The following PRKCZ variants were observed in gnomAD, a reference collection of about 807,000 sequenced individuals.
The protein encoded by PRKCZ is protein kinase C zeta.
In PRKCZ, 33 loss-of-function variants were observed where a neutral mutation model predicts 79.5. The observed-to-expected ratio is 0.41, with a 90% CI of 0.31 to 0.55. The LOEUF is 0.55. Among genes scored for constraint, PRKCZ ranks in the 20% least tolerant of loss-of-function variants. The pLI, the probability that PRKCZ is intolerant of heterozygous loss-of-function variation, is 0.19. For missense variants in PRKCZ, 578 were observed against 813.5 expected (o/e 0.71, Z 3.52); for synonymous variants, 342 against 320.9 (o/e 1.07, Z -0.70).
intron 4 of PRKCZ, among the ~76,000 whole-genome samples, chr1:2,117,150 A>G (rs1283740625): frequency 2.0e-5 from 3 of 151,240 alleles, no homozygotes; most frequent in East Asian, 3.9e-4. Context: ...GGGTCTCCCT[A>G]TGTTGCCCAG....
chr1:2,132,785 C>T (rs1470857177), intron 4 of PRKCZ, among the ~76,000 whole-genome samples: 1 of 152,264 alleles, frequency 6.6e-6, no homozygotes, highest in African/African-American at 2.4e-5. Flanking sequence ...CACGTTTCCA[C>T]CCTTAGTCTC....
chr1:2,179,616 A>G (rs1686144644), intron 16 of PRKCZ, among the ~76,000 whole-genome samples: 1 of 152,106 alleles, frequency 6.6e-6, no homozygotes, highest in Non-Finnish European at 1.5e-5. Context: ...GCGCTAACTC[A>G]TCTCCCCCTG....
chr1:2,087,102 A>C (rs1664659826), intron 4 of PRKCZ, among the ~76,000 whole-genome samples: 2 of 151,892 alleles, frequency 1.3e-5, no homozygotes, highest in South Asian at 2.1e-4. Context: ...ATTTTTTTTG[A>C]GACAGAATCT....
At chr1:2,097,851 G>A (rs547042729) in intron 4 of PRKCZ, among the ~76,000 whole-genome samples, 1 of 152,354 alleles carries the variant, frequency 6.6e-6, no homozygotes, top group South Asian at 2.1e-4. Context: ...TCTTGCAGAT[G>A]GAGCAATGGC....
chr1:2,052,394 C>A (rs957742458), intron 1 of PRKCZ, among the ~76,000 whole-genome samples: 2 of 151,536 alleles, frequency 1.3e-5, no homozygotes, highest in Middle Eastern at 3.4e-3. Flanking sequence ...TCTTCCCTCC[C>A]TTCCCGGACT....
intron 4 of PRKCZ, among the ~76,000 whole-genome samples, chr1:2,096,450 G>A (rs1666530817): frequency 6.6e-6 from 1 of 152,098 alleles, no homozygotes; most frequent in Non-Finnish European, 1.5e-5. Context: ...TGGTGGTGTA[G>A]ACGCCAGGAA....
In PRKCZ at chr1:2,154,133, G is replaced by A. The variant is rs557264905; in HGVS notation, c.877-1862G>A. ...CTGCTGGTGAGGGCCACTGGGGGACGGGTGGTGGCAGGTGAGGGGTGGAGG... is the reference window on the plus strand; with the variant it reads ...CTGCTGGTGAGGGCCACTGGGGGACAGGTGGTGGCAGGTGAGGGGTGGAGG... On this transcript the variant is annotated intron_variant, in intron 9 of 17. Coordinates refer to ENST00000378567, the MANE Select transcript of PRKCZ (RefSeq NM_002744.6). Among the ~76,000 whole-genome samples, 9 of 152,302 alleles carry A rather than the reference G, an allele frequency of 5.9e-5. No individual in the cohort carries two copies. In the South Asian group the frequency reaches 1.7e-3, roughly 28 times the overall value.
Position 2,165,072 on chromosome 1 carries a change from C to T in PRKCZ, c.975-4446C>T, listed in dbSNP as rs1295431908. On this transcript the variant is annotated intron_variant, in intron 10 of 17. Coordinates refer to ENST00000378567, the MANE Select transcript of PRKCZ (RefSeq NM_002744.6). The surrounding 1 kb of genome is among the most constrained non-coding windows in gnomAD (Gnocchi z 4.1). The stretch of plus-strand genomic sequence containing the variant: ...AGTGCTCGAGTGCATTTCCTGGGCA[C>T]TTTCTGGCCTTTTATCTTTGATGGA... Among the ~76,000 whole-genome samples, 1 of 152,246 alleles carries T rather than the reference C, an allele frequency of 6.6e-6. No homozygotes were observed. Among genetic ancestry groups the T allele is most frequent in the African/African-American group, 2.4e-5 (1 of 41,472 alleles).
intron 6 of PRKCZ, 94 bp from the exon 7 acceptor site, chr1:2,145,933 T>TA: frequency 8.4e-7 from 1 of 1,184,738 alleles, no homozygotes; most frequent in South Asian, 1.3e-5. Flanking sequence ...AAAAAGTTCT[T>TA]AATTTTAAAA....
intron 7 of PRKCZ, among the ~76,000 whole-genome samples, chr1:2,147,696 C>G (rs1003660659): frequency 4.2e-5 from 6 of 141,248 alleles, no homozygotes; most frequent in Admixed American, 2.8e-4. Flanking sequence ...CTGTTGTCCA[C>G]TGACCTGTCC....
chr1:2,185,318 A>G lies in PRKCZ; in HGVS notation c.*309A>G, dbSNP rs1038816945. ...GGTGCACATTTTCCACGGAAACAGAACTCGATGCACTGACCTGCTCCGCCA... is the reference window on the plus strand; with the variant it reads ...GGTGCACATTTTCCACGGAAACAGAGCTCGATGCACTGACCTGCTCCGCCA... On this transcript the variant is annotated 3_prime_UTR_variant, in exon 18 of 18. Coordinates refer to ENST00000378567, the MANE Select transcript of PRKCZ (RefSeq NM_002744.6). 1 of 718,590 alleles carries G rather than the reference A, an allele frequency of 1.4e-6. No individual in the cohort carries two copies. Among genetic ancestry groups the G allele is most frequent in the Non-Finnish European group, 2.6e-6 (1 of 385,104 alleles). 44.5% of individuals were successfully genotyped at this position (718,590 alleles called of 1,614,324 possible).
chr1:2,146,574 G>A (rs969232583), intron 7 of PRKCZ, among the ~76,000 whole-genome samples: 7 of 152,146 alleles, frequency 4.6e-5, no homozygotes, highest in African/African-American at 1.7e-4. Flanking sequence ...TTTGTTTGTT[G>A]TGGGGAAGGA....
At chr1:2,108,787 C>T (rs1399303870) in intron 4 of PRKCZ, among the ~76,000 whole-genome samples, 2 of 152,202 alleles carry the variant, frequency 1.3e-5, no homozygotes, top group African/African-American at 4.8e-5. Flanking sequence ...GCCGCTGTAA[C>T]AGTGGCCGCC....
chr1:2,135,998 C>T (rs59178531), intron 5 of PRKCZ, among the ~76,000 whole-genome samples: 11 of 152,076 alleles, frequency 7.2e-5, no homozygotes, highest in East Asian at 5.8e-4. Flanking sequence ...CTTGGGGGTG[C>T]GTGGAAGTAT....
At chr1:2,180,898 C>T (rs907245343) in intron 16 of PRKCZ, among the ~76,000 whole-genome samples, 2 of 152,166 alleles carry the variant, frequency 1.3e-5, no homozygotes, top group African/African-American at 4.8e-5. Context: ...GACCTCCTCT[C>T]ATCATTGCCA....
intron 4 of PRKCZ, among the ~76,000 whole-genome samples, chr1:2,105,930 C>CCA (rs1221744477): frequency 6.6e-6 from 1 of 152,290 alleles, no homozygotes; most frequent in Non-Finnish European, 1.5e-5. Flanking sequence ...CCCCACCCCC[C>CCA]CACACACACA....
At position 2,172,890 on chromosome 1, in the gene PRKCZ, C is replaced by T. The variant is rs901064622; in HGVS notation, c.1285+502C>T. 6.6e-5 allele frequency among the ~76,000 whole-genome samples: 10 copies of T among 151,666 alleles called. No individual in the cohort carries two copies. The highest frequency in any genetic ancestry group is 6.2e-4 in the South Asian group (3 of 4,802). ...TGCAGCCGTGTGTGCGTGTGTGAAA[C>T]GGGGACGTGGGCACGCGTGTGCAGC... is the stretch of plus-strand genomic sequence containing the variant. On this transcript the variant is annotated intron_variant, in intron 13 of 17. Transcript: ENST00000378567. The surrounding 1 kb of genome is among the most constrained non-coding windows in gnomAD (Gnocchi z 7.8).
chr1:2,068,562 A>C (rs1460371654), intron 4 of PRKCZ, among the ~76,000 whole-genome samples: 2 of 152,220 alleles, frequency 1.3e-5, no homozygotes, highest in African/African-American at 4.8e-5. Context: ...CCTGGCCTTA[A>C]TCACACGTGC....
At chr1:2,137,260 C>G (rs1676401850) in intron 5 of PRKCZ, among the ~76,000 whole-genome samples, 1 of 152,210 alleles carries the variant, frequency 6.6e-6, no homozygotes, top group Non-Finnish European at 1.5e-5. Context: ...AAAACTGCTT[C>G]TCCCACCTGC....
Sources: allele counts gnomAD v4.1 joint callset (sites outside exome capture counted in the v4.1 genomes callset), GRCh38; gene constraint gnomAD v4.1.1; non-coding constraint Gnocchi (gnomAD v3.1); transcripts MANE v1.5; gene names NCBI Gene and HGNC (gene_info 2026-07-23, HGNC 2026-07-21).